DSCAM: variants seen among roughly 807,000 people sequenced by gnomAD.
DSCAM encodes DS cell adhesion molecule, also known as cell adhesion molecule DSCAM.
DSCAM carries 47 observed loss-of-function variants against 217.7 expected under a neutral mutation model. The ratio of observed to expected loss-of-function variants is 0.22; its 90% CI spans 0.17 to 0.28. The LOEUF (loss-of-function observed/expected upper bound fraction) is 0.28. Ranked by LOEUF, DSCAM falls within the 10% of genes least tolerant of loss-of-function variation. DSCAM has a pLI of 1.00. For missense variants in DSCAM, 2,080 were observed against 2,618.3 expected (o/e 0.79, Z 4.49); for synonymous variants, 1,056 against 1,015.3 (o/e 1.04, Z -0.76).
chr21:40,272,861 T>C (rs1441511804), intron 11 of DSCAM, among the ~76,000 whole-genome samples: 1 of 152,180 alleles, frequency 6.6e-6, no homozygotes, highest in Non-Finnish European at 1.5e-5. Context: ...CTCTCCTTTA[T>C]ATCTATTTTT....
At chr21:40,495,661 C>G (rs1483877497) in intron 3 of DSCAM, among the ~76,000 whole-genome samples, 1 of 152,008 alleles carries the variant, frequency 6.6e-6, no homozygotes, top group Admixed American at 6.6e-5. Context: ...TGTTCTACTT[C>G]TCTGGAAGTC....
At chr21:40,495,998 A>T (rs79603238) in intron 3 of DSCAM, among the ~76,000 whole-genome samples, 1 of 152,180 alleles carries the variant, frequency 6.6e-6, no homozygotes, top group Non-Finnish European at 1.5e-5. Flanking sequence ...TCTGTACACT[A>T]AAAACTACGA....
chr21:40,490,183 A>AC (rs2076065152), intron 3 of DSCAM, among the ~76,000 whole-genome samples: 1 of 151,846 alleles, frequency 6.6e-6, no homozygotes, highest in Non-Finnish European at 1.5e-5. Flanking sequence ...GGAAAGACCC[A>AC]CCCCCATGAT....
intron 3 of DSCAM, among the ~76,000 whole-genome samples, chr21:40,387,377 A>T (rs889247026): frequency 1.3e-5 from 2 of 152,174 alleles, no homozygotes; most frequent in African/African-American, 4.8e-5. Flanking sequence ...AAAAAAAAAA[A>T]AACAGCCTTT....
intron 16 of DSCAM, among the ~76,000 whole-genome samples, chr21:40,152,472 A>C (rs1008072167): frequency 2.0e-5 from 3 of 152,142 alleles, no homozygotes; most frequent in African/African-American, 7.2e-5. Flanking sequence ...TCTTTCATTT[A>C]TCTGCCATCT....
At chr21:40,580,393 C>G (rs1052014368) in intron 3 of DSCAM, among the ~76,000 whole-genome samples, 1 of 151,244 alleles carries the variant, frequency 6.6e-6, no homozygotes, top group Non-Finnish European at 1.5e-5. Flanking sequence ...ATTAGCCAGG[C>G]GTGGTGGCGG....
At chr21:40,102,572 C>T (rs967275306) in intron 20 of DSCAM, among the ~76,000 whole-genome samples, 4 of 152,132 alleles carry the variant, frequency 2.6e-5, no homozygotes, top group African/African-American at 7.2e-5. Flanking sequence ...TCTAGACCTG[C>T]CTTCATTCCA....
intron 11 of DSCAM, among the ~76,000 whole-genome samples, chr21:40,253,921 C>A (rs1026924565): frequency 6.6e-6 from 1 of 152,140 alleles, no homozygotes; most frequent in Admixed American, 6.5e-5. Flanking sequence ...TTATCAAACC[C>A]AAGGAGGGTG....
intron 3 of DSCAM, among the ~76,000 whole-genome samples, chr21:40,476,492 G>T (rs141433727): frequency 6.6e-6 from 1 of 152,192 alleles, no homozygotes. Flanking sequence ...TGATGATAGT[G>T]ACAATCACAA....
At chr21:40,028,423 C>CAATGGCGGGCCCCCCTCCCCCAGCCTG (rs2088434572) in intron 32 of DSCAM, among the ~76,000 whole-genome samples, 1 of 150,770 alleles carries the variant, frequency 6.6e-6, no homozygotes, top group Admixed American at 6.6e-5. Context: ...CAAGCCTGGG[C>CAATGGCGGGCCCCCCTCCCCCAGCCTG]AATGGCGGGC....
chr21:40,535,099 TCTGCATATTTA>T (rs993522155), intron 3 of DSCAM, among the ~76,000 whole-genome samples: 25 of 152,306 alleles, frequency 1.6e-4, no homozygotes, highest in African/African-American at 5.1e-4. Context: ...CCCTATCTGA[TCTGCATATTTA>T]CTTACATTCC....
chr21:40,455,154 T>C (rs2075752989), intron 3 of DSCAM, among the ~76,000 whole-genome samples: 1 of 152,116 alleles, frequency 6.6e-6, no homozygotes, highest in South Asian at 2.1e-4. Flanking sequence ...ATGGGATTGA[T>C]ATCAATGTAA....
chr21:40,356,004 G>A (rs868221841), intron 4 of DSCAM, among the ~76,000 whole-genome samples: 3 of 152,094 alleles, frequency 2.0e-5, no homozygotes, highest in African/African-American at 7.2e-5. Flanking sequence ...ATTCCTTTGT[G>A]TATATAGGAA....
chr21:40,342,642 ATATATAT>A (rs1226904325), intron 6 of DSCAM, among the ~76,000 whole-genome samples: 1 of 95,500 alleles, frequency 1.0e-5, no homozygotes, highest in African/African-American at 4.4e-5. Flanking sequence ...ATATATATAT[ATATATAT>A]TTTTTTTTTT....
intron 3 of DSCAM, among the ~76,000 whole-genome samples, chr21:40,688,368 A>T (rs2090504886): frequency 6.6e-6 from 1 of 152,202 alleles, no homozygotes; most frequent in Admixed American, 6.5e-5. Context: ...AGGGAAACCC[A>T]AATATAAAGC....
intron 18 of DSCAM, among the ~76,000 whole-genome samples, chr21:40,137,685 A>T (rs1455552953): frequency 6.6e-6 from 1 of 152,106 alleles, no homozygotes; most frequent in Non-Finnish European, 1.5e-5. Flanking sequence ...CATGAGTGAA[A>T]TAAAATTAAA....
intron 11 of DSCAM, among the ~76,000 whole-genome samples, chr21:40,196,709 C>G (rs764136638): frequency 6.6e-6 from 1 of 151,770 alleles, no homozygotes; most frequent in Non-Finnish European, 1.5e-5. Flanking sequence ...TTTCTGTCTC[C>G]TGCTTTTTTC....
chr21:40,436,993 T>C (rs1420851166), intron 3 of DSCAM, among the ~76,000 whole-genome samples: 2 of 152,202 alleles, frequency 1.3e-5, no homozygotes, highest in African/African-American at 4.8e-5. Flanking sequence ...TGGCCTCTTT[T>C]TGGGAAATAG....
chr21:40,060,825 CTTCT>C (rs570556561), intron 28 of DSCAM, among the ~76,000 whole-genome samples: 7 of 152,314 alleles, frequency 4.6e-5, no homozygotes, highest in Non-Finnish European at 4.4e-5. Flanking sequence ...GTGACTCTGA[CTTCT>C]TTGTTTTCCA....
Sources: allele counts gnomAD v4.1 joint callset (sites outside exome capture counted in the v4.1 genomes callset), GRCh38; gene constraint gnomAD v4.1.1; transcripts MANE v1.5; gene names NCBI Gene and HGNC (gene_info 2026-07-23, HGNC 2026-07-21).